The following RNGTT variants were observed in gnomAD, a reference collection of about 807,000 sequenced individuals.
The protein encoded by RNGTT is mRNA-capping enzyme.
Under a neutral mutation model 79.3 loss-of-function variants are expected in RNGTT, and 33 were observed. That is an observed-to-expected ratio of 0.42 (90% CI 0.32 to 0.56). The LOEUF is 0.56. RNGTT is among the 20% of genes least tolerant of loss of function. The pLI is 0.17. For synonymous variants in RNGTT, 222 were observed against 235.9 expected, an observed-to-expected ratio of 0.94 and a Z score of 0.54; for missense variants, 497 against 739.1, an observed-to-expected ratio of 0.67 and a Z score of 3.80.
intron 8 of RNGTT, among the ~76,000 whole-genome samples, chr6:88,879,743 A>G (rs146339447): frequency 4.6e-5 from 7 of 152,330 alleles, no homozygotes; most frequent in African/African-American, 1.7e-4. Context: ...TCTTTATATT[A>G]AATATGTTTC....
At chr6:88,897,938 G>A (rs1582104295) in intron 6 of RNGTT, among the ~76,000 whole-genome samples, 1 of 152,238 alleles carries the variant, frequency 6.6e-6, no homozygotes, top group Non-Finnish European at 1.5e-5. Flanking sequence ...GCTGCAGGAA[G>A]AGTGAGCTCA....
At chr6:88,744,418 C>A (rs9353598) in intron 13 of RNGTT, among the ~76,000 whole-genome samples, 1 of 151,900 alleles carries the variant, frequency 6.6e-6, no homozygotes, top group Non-Finnish European at 1.5e-5. Flanking sequence ...CGCACCAGCA[C>A]GCCCGGCTAA....
At chr6:88,840,779 A>G (rs1183173815) in intron 11 of RNGTT, among the ~76,000 whole-genome samples, 1 of 152,178 alleles carries the variant, frequency 6.6e-6, no homozygotes, top group Non-Finnish European at 1.5e-5. Context: ...TAGTAAGAAC[A>G]CTGTCTTTCT....
intron 14 of RNGTT, among the ~76,000 whole-genome samples, chr6:88,641,120 C>T (rs1437906323): frequency 1.3e-5 from 2 of 152,084 alleles, no homozygotes; most frequent in Non-Finnish European, 2.9e-5. Context: ...GCGGGTGGAT[C>T]ACAAGGTCAG....
At chr6:88,871,931 T>C (rs1782370553) in intron 8 of RNGTT, among the ~76,000 whole-genome samples, 1 of 152,016 alleles carries the variant, frequency 6.6e-6, no homozygotes, top group Non-Finnish European at 1.5e-5. Context: ...ATTTCTTACC[T>C]CCTATTTGTT....
rs148151731 is a variant in RNGTT at position 88,620,187 on chromosome 6, T to C, written c.1507-5792A>G. 2.1e-3 allele frequency among the ~76,000 whole-genome samples: 318 copies of C among 152,308 alleles called. 1 individual carries two copies. The highest frequency in any genetic ancestry group is 7.4e-3 in the African/African-American group (308 of 41,572). ...TAGAAACCCAGCAACAGGAAGTTTC[T>C]CCTTCATGAATGGTGGTGTCTTCAT... On this transcript the variant is annotated intron_variant, in intron 14 of 15. Coordinates refer to ENST00000369485, the MANE Select transcript of RNGTT (RefSeq NM_003800.5).
intron 2 of RNGTT, among the ~76,000 whole-genome samples, chr6:88,929,960 A>ACG (rs1784444321): frequency 6.7e-6 from 1 of 150,264 alleles, no homozygotes; most frequent in Non-Finnish European, 1.5e-5. Flanking sequence ...ACACGTATAT[A>ACG]CATATGTATA....
chr6:88,826,844 A>ATGTG (rs1192605195), intron 11 of RNGTT, among the ~76,000 whole-genome samples: 4 of 118,776 alleles, frequency 3.4e-5, no homozygotes, highest in Middle Eastern at 4.2e-3. Context: ...ATATATATAT[A>ATGTG]TGTGTGTGTG....
intron 13 of RNGTT, among the ~76,000 whole-genome samples, chr6:88,699,569 G>A (rs567901449): frequency 1.1e-4 from 17 of 152,228 alleles, no homozygotes; most frequent in African/African-American, 3.6e-4. Flanking sequence ...TGTAGTCCCA[G>A]TAAAAGGATC....
At chr6:88,687,067 G>T (rs1049972400) in intron 13 of RNGTT, among the ~76,000 whole-genome samples, 1 of 151,892 alleles carries the variant, frequency 6.6e-6, no homozygotes, top group African/African-American at 2.4e-5. Context: ...ATATACCACA[G>T]AAAAGGGACT....
chr6:88,922,801 T>C (rs1356005282), intron 4 of RNGTT, among the ~76,000 whole-genome samples: 1 of 152,218 alleles, frequency 6.6e-6, no homozygotes. Flanking sequence ...AGTACTGGGA[T>C]AAAGTTAATG....
chr6:88,888,209 C>A (rs147148954), intron 8 of RNGTT, among the ~76,000 whole-genome samples: 1 of 152,140 alleles, frequency 6.6e-6, no homozygotes, highest in African/African-American at 2.4e-5. Flanking sequence ...ATGCCTCAAT[C>A]CCAAATCCCC....
intron 14 of RNGTT, among the ~76,000 whole-genome samples, chr6:88,626,787 T>C (rs1368119242): frequency 1.3e-5 from 2 of 152,012 alleles, no homozygotes; most frequent in Non-Finnish European, 2.9e-5. Flanking sequence ...CATTATTGGG[T>C]TGAATGACCT....
At chr6:88,689,890 T>C (rs1009077882) in intron 13 of RNGTT, among the ~76,000 whole-genome samples, 5 of 137,276 alleles carry the variant, frequency 3.6e-5, no homozygotes, top group African/African-American at 1.2e-4. Flanking sequence ...AAAAAAAAAA[T>C]AGCAACTTTA....
intron 14 of RNGTT, among the ~76,000 whole-genome samples, chr6:88,675,141 TAACAGA>T (rs1774818183): frequency 2.0e-5 from 3 of 151,524 alleles, no homozygotes; most frequent in African/African-American, 7.3e-5. Flanking sequence ...CAGAAAACAT[TAACAGA>T]AAGTTACAAA....
chr6:88,630,743 T>C (rs1772837524), intron 14 of RNGTT, among the ~76,000 whole-genome samples: 1 of 151,820 alleles, frequency 6.6e-6, no homozygotes. Context: ...TAATCCGACA[T>C]GATAAAGGCA....
intron 4 of RNGTT, 57 bp downstream of exon 4, chr6:88,928,928 C>A: frequency 7.5e-7 from 1 of 1,328,402 alleles, no homozygotes; most frequent in South Asian, 1.3e-5. Flanking sequence ...AACAAGAAAA[C>A]AGAAACCTAA....
At chr6:88,963,273 C>G in intron 1 of RNGTT, 73 bp downstream of exon 1, 10 of 1,498,750 alleles carry the variant, frequency 6.7e-6, no homozygotes, top group Non-Finnish European at 9.3e-6. Flanking sequence ...CCACCAAAAG[C>G]TGAGCTCCTC....
intron 8 of RNGTT, among the ~76,000 whole-genome samples, chr6:88,880,136 A>C (rs1385560476): frequency 6.6e-6 from 1 of 152,152 alleles, no homozygotes; most frequent in Non-Finnish European, 1.5e-5. Context: ...GCAGCACCTA[A>C]CACAGAGCCC....
Sources: gnomAD v4.1 joint callset for allele counts (sites outside exome capture counted in the v4.1 genomes callset) on GRCh38, gnomAD v4.1.1 for gene constraint, MANE v1.5 for transcripts, NCBI Gene and HGNC (gene_info 2026-07-23, HGNC 2026-07-21) for gene names.